The following PPP1R9A variants were observed in gnomAD, a reference collection of about 807,000 sequenced individuals.
The protein encoded by PPP1R9A is protein phosphatase 1 regulatory subunit 9A, also known as neurabin-1.
Under a neutral mutation model 141.9 loss-of-function variants are expected in PPP1R9A, and 59 were observed. The ratio of observed to expected loss-of-function variants is 0.42; its 90% confidence interval spans 0.34 to 0.52. PPP1R9A has a LOEUF of 0.52. PPP1R9A is among the 20% of genes least tolerant of loss of function. The pLI is 0.10. For missense variants in PPP1R9A, 1,444 were observed against 1,611.9 expected (o/e 0.90, Z 1.78); for synonymous variants, 500 against 569.7 (o/e 0.88, Z 1.74).
chr7:95,030,697 A>G (rs948923523), intron 2 of PPP1R9A, among the ~76,000 whole-genome samples: 2 of 152,176 alleles, frequency 1.3e-5, no homozygotes, highest in African/African-American at 2.4e-5. Flanking sequence ...TTGCCTACCT[A>G]CATGCATAAA....
chr7:94,954,002 T>C (rs1280178345), intron 2 of PPP1R9A, among the ~76,000 whole-genome samples: 1 of 152,158 alleles, frequency 6.6e-6, no homozygotes, highest in Non-Finnish European at 1.5e-5. Context: ...CTATGTTGAA[T>C]AGGAGTGGTG....
chr7:94,914,901 T>G (rs1791882497), intron 2 of PPP1R9A, among the ~76,000 whole-genome samples: 1 of 152,180 alleles, frequency 6.6e-6, no homozygotes, highest in South Asian at 2.1e-4. Context: ...TCTCAGGCTG[T>G]TCCCAACTCT....
intron 4 of PPP1R9A, among the ~76,000 whole-genome samples, chr7:95,154,221 T>C (rs1462306308): frequency 6.6e-6 from 1 of 152,098 alleles, no homozygotes; most frequent in Admixed American, 6.5e-5. Context: ...TGTTTCCATT[T>C]TCATTTGTTT....
At chr7:95,176,140 T>A (rs1166236426) in intron 5 of PPP1R9A, among the ~76,000 whole-genome samples, 1 of 152,008 alleles carries the variant, frequency 6.6e-6, no homozygotes, top group Non-Finnish European at 1.5e-5. Flanking sequence ...TTTGCTAGTA[T>A]CCATGGCTGA....
At chr7:95,281,106 A>G (rs1008819907) in intron 16 of PPP1R9A, among the ~76,000 whole-genome samples, 38 of 152,202 alleles carry the variant, frequency 2.5e-4, no homozygotes, top group African/African-American at 8.0e-4. Flanking sequence ...GGTCCGAGAA[A>G]TGAAAGCATA....
intron 2 of PPP1R9A, among the ~76,000 whole-genome samples, chr7:95,061,356 T>C (rs1812204659): frequency 6.6e-6 from 1 of 152,256 alleles, no homozygotes; most frequent in Non-Finnish European, 1.5e-5. Context: ...AATTGCAGTT[T>C]GGAATGCTAT....
intron 2 of PPP1R9A, among the ~76,000 whole-genome samples, chr7:94,985,227 G>T (rs748218362): frequency 2.6e-5 from 4 of 152,118 alleles, no homozygotes; most frequent in Non-Finnish European, 4.4e-5. Context: ...TTTTACATTT[G>T]CTGAGGAGTG....
At chr7:95,062,460 C>A (rs1170280815) in intron 2 of PPP1R9A, among the ~76,000 whole-genome samples, 1 of 151,056 alleles carries the variant, frequency 6.6e-6, no homozygotes, top group South Asian at 2.1e-4. Flanking sequence ...ACTCTGTCAC[C>A]CAGGCTGGAG....
At chr7:95,012,236 G>A (rs1035459675) in intron 2 of PPP1R9A, among the ~76,000 whole-genome samples, 3 of 152,116 alleles carry the variant, frequency 2.0e-5, no homozygotes, top group South Asian at 2.1e-4. Flanking sequence ...GAGACCTCAG[G>A]AAACTTACTG....
chr7:95,243,267 G>A (rs1045949655), intron 8 of PPP1R9A, among the ~76,000 whole-genome samples: 1 of 152,138 alleles, frequency 6.6e-6, no homozygotes, highest in African/African-American at 2.4e-5. Flanking sequence ...TTCTCACAGG[G>A]TGATCTGGAG....
chr7:95,042,141 G>A (rs1809334868), intron 2 of PPP1R9A, among the ~76,000 whole-genome samples: 1 of 152,098 alleles, frequency 6.6e-6, no homozygotes, highest in African/African-American at 2.4e-5. Flanking sequence ...GGAGTTCCTA[G>A]TCTACTTGTG....
Position 94,911,016 on chromosome 7 carries a change from G to C in PPP1R9A, c.903G>C (p.Lys301Asn). Residue 301 changes from lysine to asparagine, a missense_variant, in exon 2 of 20, where the codon AAG becomes AAC. By Grantham distance (94) the Lys-to-Asn change is moderately conservative. Around this residue, in one of 5 missense-constraint regions of PPP1R9A, gnomAD observed 490 missense variants for 521.1 expected, o/e 0.94. Transcript: ENST00000433360. ...SIPGEEIQQS[K>N]EPEDSTSNQQ... ...CTGGTGAAGAGATCCAGCAGAGCAA[G>C]GAACCCGAGGACTCCACATCTAATC... 1.2e-6 allele frequency: 2 copies of C among 1,614,126 alleles called. No homozygotes were observed. Among genetic ancestry groups the C allele is most frequent in the Middle Eastern group, 1.6e-4 (1 of 6,062 alleles).
intron 2 of PPP1R9A, among the ~76,000 whole-genome samples, chr7:94,927,414 C>A (rs994600285): frequency 6.6e-6 from 1 of 152,108 alleles, no homozygotes; most frequent in African/African-American, 2.4e-5. Context: ...ATGAATTGAG[C>A]TACTATGTCA....
chr7:95,009,308 A>G (rs930492861), intron 2 of PPP1R9A, among the ~76,000 whole-genome samples: 3 of 152,184 alleles, frequency 2.0e-5, no homozygotes, highest in African/African-American at 7.2e-5. Flanking sequence ...AATGAAGAAA[A>G]TATATATTAA....
chr7:95,286,386 A>G, intron 18 of PPP1R9A, 61 bp downstream of exon 18: 1 of 1,590,562 alleles, frequency 6.3e-7, no homozygotes, highest in Non-Finnish European at 8.5e-7. Context: ...CCCATGAACC[A>G]TCACCAGGAA....
chr7:95,117,970 A>T (rs977844253), intron 3 of PPP1R9A, among the ~76,000 whole-genome samples: 4 of 152,196 alleles, frequency 2.6e-5, no homozygotes, highest in African/African-American at 9.7e-5. Flanking sequence ...ATGGATGTAA[A>T]CACTATGGGA....
chr7:95,246,244 A>G (rs1464025367), intron 8 of PPP1R9A, among the ~76,000 whole-genome samples: 2 of 152,128 alleles, frequency 1.3e-5, no homozygotes, highest in Non-Finnish European at 2.9e-5. Context: ...GAGGTTTATG[A>G]GGTGCTGTGG....
At chr7:94,931,213 G>T (rs890600117) in intron 2 of PPP1R9A, among the ~76,000 whole-genome samples, 1 of 152,108 alleles carries the variant, frequency 6.6e-6, no homozygotes, top group African/African-American at 2.4e-5. Flanking sequence ...GAAAAAAGAA[G>T]TGCTCACCAG....
chr7:95,060,717 C>T (rs1046028596), intron 2 of PPP1R9A, among the ~76,000 whole-genome samples: 6 of 152,168 alleles, frequency 3.9e-5, no homozygotes, highest in Admixed American at 3.3e-4. Context: ...TTTACTCGAC[C>T]CAAACCTTAC....
Sources: gnomAD v4.1 joint callset for allele counts (sites outside exome capture counted in the v4.1 genomes callset) on GRCh38, gnomAD v4.1.1 for gene constraint, gnomAD v4.1.1 regional missense constraint, MANE v1.5 for transcripts, NCBI Gene and HGNC (gene_info 2026-07-23, HGNC 2026-07-21) for gene names.